SSBP2: variants seen among roughly 807,000 people sequenced by gnomAD.
SSBP2 encodes the protein single stranded DNA binding protein 2.
SSBP2 carries 17 observed loss-of-function variants against 61.8 expected under a neutral mutation model. That is an observed-to-expected ratio of 0.28 (90% CI 0.19 to 0.41). The LOEUF is 0.41. SSBP2 is among the 10% of genes least tolerant of loss of function. The pLI is 1.00. For synonymous variants in SSBP2, 139 were observed against 141.3 expected (o/e 0.98, Z 0.12); for missense variants, 310 against 458.7 (o/e 0.68, Z 2.96).
At chr5:81,731,070 A>G (rs142070696) in intron 1 of SSBP2, among the ~76,000 whole-genome samples, 14 of 152,324 alleles carry the variant, frequency 9.2e-5, no homozygotes, top group East Asian at 3.9e-4. Context: ...TTAAACTTCA[A>G]TGAAAACAAG....
intron 9 of SSBP2, among the ~76,000 whole-genome samples, 155 bp downstream of exon 9, chr5:81,466,819 A>G (rs1291622224): frequency 6.6e-6 from 1 of 152,028 alleles, no homozygotes; most frequent in Non-Finnish European, 1.5e-5. Context: ...TTTTTATACC[A>G]CACAGAGACT....
chr5:81,573,878 T>TG (rs1774009979), intron 4 of SSBP2, among the ~76,000 whole-genome samples: 1 of 152,156 alleles, frequency 6.6e-6, no homozygotes, highest in South Asian at 2.1e-4. Context: ...CAGTGGCTCA[T>TG]GCCTGTAATC....
chr5:81,643,385 AAAC>A (rs1748963215), intron 2 of SSBP2, among the ~76,000 whole-genome samples: 3 of 152,102 alleles, frequency 2.0e-5, no homozygotes, highest in Admixed American at 1.3e-4. Context: ...TAATACCATA[AAAC>A]AATAAAACCA....
intron 16 of SSBP2, among the ~76,000 whole-genome samples, chr5:81,423,488 T>C (rs539303790): frequency 6.6e-6 from 1 of 152,342 alleles, no homozygotes; most frequent in East Asian, 1.9e-4. Context: ...CTCATGCCTG[T>C]AATTCCAGCA....
intron 6 of SSBP2, among the ~76,000 whole-genome samples, chr5:81,478,230 T>A (rs1765723886): frequency 6.6e-6 from 1 of 152,114 alleles, no homozygotes; most frequent in South Asian, 2.1e-4. Flanking sequence ...GGTGTGATCA[T>A]AGATCACTGC....
chr5:81,723,127 T>C (rs908737225), intron 1 of SSBP2, among the ~76,000 whole-genome samples: 2 of 152,044 alleles, frequency 1.3e-5, no homozygotes, highest in Non-Finnish European at 2.9e-5. Flanking sequence ...TTAATGCTTA[T>C]CCATTTAGGA....
chr5:81,619,498 G>C (rs1161546862), intron 3 of SSBP2, among the ~76,000 whole-genome samples: 5 of 140,324 alleles, frequency 3.6e-5, no homozygotes, highest in Admixed American at 7.1e-5. Flanking sequence ...GGACCAGATG[G>C]ATTCACAGCC....
At chr5:81,491,006 TA>T (rs1766814993) in intron 5 of SSBP2, among the ~76,000 whole-genome samples, 2 of 152,206 alleles carry the variant, frequency 1.3e-5, no homozygotes, top group East Asian at 3.8e-4. Context: ...ATAAATTGGA[TA>T]AGTTAGTTAT....
At chr5:81,431,887 A>G (rs1762314492) in intron 15 of SSBP2, among the ~76,000 whole-genome samples, 1 of 152,138 alleles carries the variant, frequency 6.6e-6, no homozygotes, top group South Asian at 2.1e-4. Flanking sequence ...TGCCCAGCTC[A>G]TATCTTCTCT....
chr5:81,494,488 T>C (rs1767141190), intron 5 of SSBP2, among the ~76,000 whole-genome samples: 1 of 152,204 alleles, frequency 6.6e-6, no homozygotes, highest in Non-Finnish European at 1.5e-5. Context: ...AATTAAGTCA[T>C]GAGGGTGGAG....
intron 12 of SSBP2, among the ~76,000 whole-genome samples, chr5:81,443,549 TA>T (rs1273585726): frequency 2.0e-5 from 3 of 152,296 alleles, no homozygotes; most frequent in Non-Finnish European, 4.4e-5. Context: ...AAATATAATG[TA>T]GTAGGCCTCT....
At chr5:81,652,300 T>TA (rs1471984388) in intron 1 of SSBP2, among the ~76,000 whole-genome samples, 3 of 152,178 alleles carry the variant, frequency 2.0e-5, no homozygotes, top group Non-Finnish European at 4.4e-5. Flanking sequence ...GTAATATAGT[T>TA]AGAAGCTTCT....
At chr5:81,661,709 C>T (rs927635514) in intron 1 of SSBP2, among the ~76,000 whole-genome samples, 1 of 151,972 alleles carries the variant, frequency 6.6e-6, no homozygotes, top group African/African-American at 2.4e-5. Flanking sequence ...TTCTTGCTAT[C>T]GAGTTGTCTG....
chr5:81,428,907 A>G (rs1274183675), intron 15 of SSBP2, among the ~76,000 whole-genome samples: 1 of 152,110 alleles, frequency 6.6e-6, no homozygotes, highest in East Asian at 1.9e-4. Flanking sequence ...CCAATAACCT[A>G]CCACAACTAT....
chr5:81,685,406 A>G (rs1489419025), intron 1 of SSBP2, among the ~76,000 whole-genome samples: 3 of 152,170 alleles, frequency 2.0e-5, no homozygotes, highest in Non-Finnish European at 4.4e-5. Flanking sequence ...AATTGTAACA[A>G]ATGTACCACT....
intron 1 of SSBP2, among the ~76,000 whole-genome samples, chr5:81,747,814 A>G (rs1201961438): frequency 1.3e-5 from 2 of 152,162 alleles, no homozygotes; most frequent in Non-Finnish European, 2.9e-5. Context: ...TTTAATCACA[A>G]TTGCGATTAG....
intron 1 of SSBP2, among the ~76,000 whole-genome samples, chr5:81,750,060 G>C (rs1231685152): frequency 2.7e-5 from 4 of 146,734 alleles, no homozygotes; most frequent in African/African-American, 1.0e-4. Context: ...CCCGCCGCTC[G>C]GGGGCTGCCA....
chr5:81,726,599 C>T (rs185883854), intron 1 of SSBP2, among the ~76,000 whole-genome samples: 15 of 152,246 alleles, frequency 9.9e-5, no homozygotes, highest in African/African-American at 3.6e-4. Flanking sequence ...CTGCTCTTAG[C>T]AACCACAGAG....
intron 1 of SSBP2, among the ~76,000 whole-genome samples, chr5:81,664,134 T>TC (rs2153749861): frequency 6.6e-6 from 1 of 151,678 alleles, no homozygotes; most frequent in East Asian, 1.9e-4. Context: ...TTTTTGTTTT[T>TC]TTTTTTGAGA....
Sources: allele counts gnomAD v4.1 joint callset (sites outside exome capture counted in the v4.1 genomes callset), GRCh38; gene constraint gnomAD v4.1.1; transcripts MANE v1.5; gene names NCBI Gene and HGNC (gene_info 2026-07-23, HGNC 2026-07-21).